The following STPG4 variants were observed in gnomAD, a reference collection of about 807,000 sequenced individuals.
The protein encoded by STPG4 is protein STPG4.
In STPG4, 41 loss-of-function variants were observed where a neutral mutation model predicts 31.5. The ratio of observed to expected loss-of-function variants is 1.30; its 90% CI spans 1.01 to 1.69. The LOEUF is 1.69. Among genes scored for constraint, STPG4 ranks in the 40% most tolerant of loss-of-function variants. STPG4 has a pLI of 0.00. For missense variants in STPG4, 375 were observed against 293.4 expected (o/e 1.28, Z -2.03); for synonymous variants, 141 against 103.0 (o/e 1.37, Z -2.24).
chr2:47,144,310 C>T (rs752507363), intron 3 of STPG4, among the ~76,000 whole-genome samples: 10 of 152,162 alleles, frequency 6.6e-5, no homozygotes, highest in Admixed American at 1.3e-4. Flanking sequence ...TTAACAATTC[C>T]ACTCTATGAC....
intron 5 of STPG4, among the ~76,000 whole-genome samples, chr2:47,117,206 GT>G (rs1226391957): frequency 2.0e-5 from 3 of 152,056 alleles, no homozygotes; most frequent in Non-Finnish European, 2.9e-5. Flanking sequence ...GATGCATGTG[GT>G]TTTTTGTTTT....
intron 3 of STPG4, among the ~76,000 whole-genome samples, chr2:47,138,769 C>T (rs896404544): frequency 2.0e-5 from 3 of 152,090 alleles, no homozygotes; most frequent in Non-Finnish European, 2.9e-5. Flanking sequence ...AGGATAGTCT[C>T]GATCTCTTGA....
At chr2:47,131,020 C>G (rs1357813344) in intron 3 of STPG4, among the ~76,000 whole-genome samples, 2 of 150,888 alleles carry the variant, frequency 1.3e-5, no homozygotes, top group East Asian at 2.0e-4. Flanking sequence ...CACTATGTTG[C>G]CCGGGCTGGT....
At position 47,090,301 on chromosome 2, in the gene STPG4, G is replaced by A. The variant is rs1219996882; in HGVS notation, c.593C>T (p.Ser198Phe). The A allele has an allele frequency of 1.3e-6, 2 of 1,551,764 alleles. No homozygotes were observed. The highest frequency in any genetic ancestry group is 1.7e-6 in the Non-Finnish European group (2 of 1,146,910). The change falls in exon 6 of 7, where the codon TCC (serine) becomes TTC (phenylalanine). Residue 198 changes from serine (S) to phenylalanine (F), a missense_variant. Transcript: ENST00000445927. ...GCTGGGCAAGAATCGAGGGACTCTG[G>A]ATTGAAAACAAGAAGTGACAGAGCT... ...PTSSVTSCFQ[S>F]RVPRFLPSCS...
chr2:47,153,920 T>C (rs1206250976), intron 1 of STPG4, among the ~76,000 whole-genome samples: 2 of 152,240 alleles, frequency 1.3e-5, no homozygotes, highest in Admixed American at 1.3e-4. Context: ...CCAAGGAAGC[T>C]TTTGTCTTCA....
chr2:47,101,653 T>G (rs988042869), intron 5 of STPG4, among the ~76,000 whole-genome samples: 2 of 151,826 alleles, frequency 1.3e-5, no homozygotes, highest in African/African-American at 4.9e-5. Flanking sequence ...AGACATAATT[T>G]TTGCCCAAAG....
intron 5 of STPG4, among the ~76,000 whole-genome samples, chr2:47,111,168 C>T (rs1283564671): frequency 1.2e-4 from 18 of 152,104 alleles, no homozygotes. Context: ...CAGCAATAGA[C>T]AAGAAAAGCA....
chr2:47,153,005 T>C lies in STPG4; in HGVS notation c.93A>G (p.Gln31=), dbSNP rs1686967204. 4 of 1,611,830 alleles carry C rather than the reference T, an allele frequency of 2.5e-6. No individual in the cohort carries two copies. Among genetic ancestry groups the C allele is most frequent in the Middle Eastern group, 1.7e-4 (1 of 5,914 alleles). The change falls in exon 2 of 7, where the codon CAA becomes CAG. Residue 31 remains glutamine (Q), a synonymous_variant. Transcript: ENST00000445927. Reference sequence around the variant, plus strand: ...CTTCTCTTTCAAAAGAGGAAGTCTTTTGGGCTGGTTTCTGTTAACAAACAC... The same window carrying C: ...CTTCTCTTTCAAAAGAGGAAGTCTTCTGGGCTGGTTTCTGTTAACAAACAC... ...ESFITASKPA[Q]KTSSFEREGW... is the part of the protein sequence containing the mutation.
At chr2:47,127,240 T>C (rs1191853860) in intron 5 of STPG4, among the ~76,000 whole-genome samples, 1 of 131,612 alleles carries the variant, frequency 7.6e-6, no homozygotes, top group Non-Finnish European at 1.6e-5. Flanking sequence ...ATAGCTTGTC[T>C]TCAAGCTAAT....
chr2:47,095,054 A>G (rs974606770), intron 5 of STPG4, among the ~76,000 whole-genome samples: 2 of 152,244 alleles, frequency 1.3e-5, no homozygotes, highest in Non-Finnish European at 2.9e-5. Flanking sequence ...ACGTGAGAGT[A>G]GATGAAACTG....
chr2:47,113,567 A>G (rs1686083852), intron 5 of STPG4, among the ~76,000 whole-genome samples: 1 of 152,224 alleles, frequency 6.6e-6, no homozygotes, highest in Non-Finnish European at 1.5e-5. Context: ...CAAACATATT[A>G]AAAGAACATT....
In STPG4 at chr2:47,106,369, C is replaced by T. The variant is rs188112619; in HGVS notation, c.520-15995G>A. Among the ~76,000 whole-genome samples, 296 of 151,982 alleles carry T rather than the reference C, an allele frequency of 1.9e-3. 11 individuals carry two copies. The highest frequency in any genetic ancestry group is 6.7e-3 in the African/African-American group (277 of 41,322). On this transcript the variant is annotated intron_variant, in intron 5 of 6. Coordinates refer to ENST00000445927, the MANE Select transcript of STPG4 (RefSeq NM_001163561.2). Reference sequence around the variant, plus strand: ...ACCCCTCAAAGCTCAAGTCCGTCAGCGCAGAGCCATACAACTAATACCCCT... The same window carrying T: ...ACCCCTCAAAGCTCAAGTCCGTCAGTGCAGAGCCATACAACTAATACCCCT...
intron 2 of STPG4, 86 bp downstream of exon 2, chr2:47,152,871 T>A: frequency 1.1e-6 from 1 of 943,814 alleles, no homozygotes; most frequent in Non-Finnish European, 1.6e-6. Flanking sequence ...TCTTACAATT[T>A]AGTGTTAGTC....
intron 3 of STPG4, among the ~76,000 whole-genome samples, chr2:47,148,033 C>T (rs1328368929): frequency 6.6e-6 from 1 of 151,492 alleles, no homozygotes; most frequent in East Asian, 1.9e-4. Context: ...CTCACTGTAC[C>T]CTCTACCTCC....
At chr2:47,098,295 TA>T (rs1215509248) in intron 5 of STPG4, among the ~76,000 whole-genome samples, 2 of 152,218 alleles carry the variant, frequency 1.3e-5, no homozygotes, top group Non-Finnish European at 2.9e-5. Flanking sequence ...CAGCCATCTC[TA>T]CTTCACAGCA....
chr2:47,150,939 C>T (rs1475074082), intron 3 of STPG4, among the ~76,000 whole-genome samples: 1 of 152,044 alleles, frequency 6.6e-6, no homozygotes. Context: ...ACATATACTG[C>T]TTGAAGAGAT....
intron 5 of STPG4, among the ~76,000 whole-genome samples, chr2:47,128,536 G>A (rs1019998741): frequency 2.0e-5 from 3 of 152,028 alleles, no homozygotes; most frequent in South Asian, 2.1e-4. Flanking sequence ...TTTTCCACTC[G>A]TCCCTCCCCT....
At chr2:47,125,566 C>A (rs1325777546) in intron 5 of STPG4, among the ~76,000 whole-genome samples, 1 of 152,134 alleles carries the variant, frequency 6.6e-6, no homozygotes, top group East Asian at 1.9e-4. Context: ...CTTTGTTGTG[C>A]AGAAACTTTT....
chr2:47,148,149 G>A (rs1039537862), intron 3 of STPG4, among the ~76,000 whole-genome samples: 4 of 151,980 alleles, frequency 2.6e-5, no homozygotes, highest in Non-Finnish European at 5.9e-5. Context: ...TAGAGATGGG[G>A]TTTCACCATG....
Sources: allele counts gnomAD v4.1 joint callset (sites outside exome capture counted in the v4.1 genomes callset), GRCh38; gene constraint gnomAD v4.1.1; transcripts MANE v1.5; gene names NCBI Gene and HGNC (gene_info 2026-07-23, HGNC 2026-07-21).